The following BRIP1 variants were observed in gnomAD, a reference collection of about 807,000 sequenced individuals.
BRIP1 encodes BRCA1 interacting DNA helicase 1.
In BRIP1, 88 loss-of-function variants were observed where a neutral mutation model predicts 119.7. The observed-to-expected ratio is 0.74, with a 90% CI of 0.62 to 0.88. The LOEUF is 0.88. Ranked by LOEUF, BRIP1 falls within the 40% of genes least tolerant of loss-of-function variation. The pLI is 0.00. For missense variants in BRIP1, 1,259 were observed against 1,455.4 expected (o/e 0.87, Z 2.20); for synonymous variants, 443 against 496.5 (o/e 0.89, Z 1.43).
rs1292425366 is a variant in BRIP1 at position 61,861,472 on chromosome 17, G to A, written c.68C>T (p.Pro23Leu). The A allele has an allele frequency of 5.6e-6, 9 of 1,612,578 alleles. No individual in the cohort carries two copies. The highest frequency in any genetic ancestry group is 4.5e-5 in the East Asian group (2 of 44,784). ...VKIYFPYKAY[P>L]SQLAMMNSIL... ...AGAATTCATCATAGCAAGCTGTGACGGGTAAGCTTTATAAGGAAAGTAAAT... is the reference window on the plus strand; with the variant it reads ...AGAATTCATCATAGCAAGCTGTGACAGGTAAGCTTTATAAGGAAAGTAAAT... The change falls in exon 2 of 20, where the codon CCG becomes CTG. Residue 23 changes from proline to leucine, a missense_variant. Physicochemically the swap from Pro to Leu is moderately conservative, Grantham distance 98 (BLOSUM62 -3). Around this residue, in one of 3 missense-constraint regions of BRIP1, gnomAD observed 501 missense variants for 544.0 expected, o/e 0.92. Coordinates refer to ENST00000259008, the MANE Select transcript of BRIP1 (RefSeq NM_032043.3). This position sits in a 1 kb window ranked among gnomAD's most constrained non-coding sequence, Gnocchi z 4.5.
chr17:61,694,651 G>C (rs1364527676), intron 17 of BRIP1, among the ~76,000 whole-genome samples: 4 of 151,526 alleles, frequency 2.6e-5, no homozygotes, highest in South Asian at 2.1e-4. Flanking sequence ...TACGTACAAG[G>C]GTTCCAAAAT....
chr17:61,759,900 A>AC lies in BRIP1; in HGVS notation c.2098-15310dup, dbSNP rs892776713. Among the ~76,000 whole-genome samples the AC allele has an allele frequency of 1.3e-5, 2 of 149,238 alleles. No homozygotes were observed. The highest frequency in any genetic ancestry group is 4.9e-5 in the African/African-American group (2 of 41,176). On this transcript the variant is annotated intron_variant, in intron 14 of 19. Transcript: ENST00000259008. This position sits in a 1 kb window ranked among gnomAD's most constrained non-coding sequence, Gnocchi z 4.9. Reference sequence around the variant, plus strand: ...ACCTTTAATTTATGAAAAAAAAAAAACCCAGAATATTTGCAAAGTGCGATA... The same window carrying AC: ...ACCTTTAATTTATGAAAAAAAAAAAACCCCAGAATATTTGCAAAGTGCGATA...
intron 16 of BRIP1, among the ~76,000 whole-genome samples, chr17:61,731,639 C>T (rs1248806233): frequency 6.6e-6 from 1 of 152,170 alleles, no homozygotes; most frequent in East Asian, 1.9e-4. Context: ...CCATTCTGTA[C>T]ACATTCATAA....
rs1555607768 is a variant in BRIP1, at chr17:61,801,417, G to A, written c.976C>T (p.Gln326Ter). The A allele has an allele frequency of 6.2e-7, 1 of 1,613,952 alleles. No homozygotes were observed. Among genetic ancestry groups the A allele is most frequent in the South Asian group, 1.1e-5 (1 of 91,072 alleles). The change falls in exon 8 of 20, where the codon CAG becomes TAG. Residue 326 changes from glutamine to a stop codon, truncating the protein, a stop_gained. Coordinates refer to ENST00000259008, the MANE Select transcript of BRIP1 (RefSeq NM_032043.3). LOFTEE classifies it high-confidence loss of function. ...VHKISDQHTL[Q>*]TFQGMCKAWD... ...GCTTTGCACATCCCTTGGAAAGTCT[G>A]TAATGTGTGCTGATCACTAATTTTA...
At chr17:61,786,832 T>A (rs1427319914) in intron 10 of BRIP1, among the ~76,000 whole-genome samples, 1 of 127,326 alleles carries the variant, frequency 7.9e-6, no homozygotes, top group Non-Finnish European at 1.6e-5. Flanking sequence ...ATATATTTTA[T>A]ATAATATATT....
Position 61,774,526 on chromosome 17 carries a change from T to G in BRIP1, c.2097+1875A>C, listed in dbSNP as rs2077505263. Among the ~76,000 whole-genome samples, 1 of 152,150 alleles carries G rather than the reference T, an allele frequency of 6.6e-6. No homozygotes were observed. Among genetic ancestry groups the G allele is most frequent in the Non-Finnish European group, 1.5e-5 (1 of 68,030 alleles). ...GTGCAGCAAACCAGCATGGCACATGTATACGTATGTAACAAACCTGCACGT... is the reference window on the plus strand; with the variant it reads ...GTGCAGCAAACCAGCATGGCACATGGATACGTATGTAACAAACCTGCACGT... On this transcript the variant is annotated intron_variant, in intron 14 of 19. Coordinates refer to ENST00000259008, the MANE Select transcript of BRIP1 (RefSeq NM_032043.3). The surrounding 1 kb of genome is among the most constrained non-coding windows in gnomAD (Gnocchi z 5.8).
chr17:61,738,704 G>A lies in BRIP1; in HGVS notation c.2379+4309C>T, dbSNP rs1044060171. 2.0e-5 allele frequency among the ~76,000 whole-genome samples: 3 copies of A among 151,988 alleles called. No homozygotes were observed. The highest frequency in any genetic ancestry group is 7.2e-5 in the African/African-American group (3 of 41,384). ...AGGCAAAGGTGGAGAAAAGAGAAAT[G>A]GAATTTTCTCACAAATGTATATTTT... is the stretch of plus-strand genomic sequence containing the variant. On this transcript the variant is annotated intron_variant, in intron 16 of 19. Coordinates refer to ENST00000259008, the MANE Select transcript of BRIP1 (RefSeq NM_032043.3). The surrounding 1 kb of genome is among the most constrained non-coding windows in gnomAD (Gnocchi z 4.2).
At chr17:61,839,874 C>A (rs536938963) in intron 6 of BRIP1, among the ~76,000 whole-genome samples, 1 of 152,158 alleles carries the variant, frequency 6.6e-6, no homozygotes, top group South Asian at 2.1e-4. Context: ...ATAGATACAG[C>A]TATATTTTAC....
chr17:61,774,646 CA>C lies in BRIP1; in HGVS notation c.2097+1754del, dbSNP rs1196715417. 6.6e-6 allele frequency among the ~76,000 whole-genome samples: 1 copy of C among 152,028 alleles called. No homozygotes were observed. Among genetic ancestry groups the C allele is most frequent in the East Asian group, 1.9e-4 (1 of 5,178 alleles). ...TGTTTTAAGCCACAAAAAAATTAAACAAAAACCTGCAGAACAATTAATTTCG... is the reference window on the plus strand; with the variant it reads ...TGTTTTAAGCCACAAAAAAATTAAACAAAACCTGCAGAACAATTAATTTCG... On this transcript the variant is annotated intron_variant, in intron 14 of 19. Coordinates refer to ENST00000259008, the MANE Select transcript of BRIP1 (RefSeq NM_032043.3). This position sits in a 1 kb window ranked among gnomAD's most constrained non-coding sequence, Gnocchi z 5.8.
chr17:61,767,338 G>A lies in BRIP1; in HGVS notation c.2097+9063C>T, dbSNP rs376513056. ...ATTGGCCAAGCTGGAGTGCAGTGGTGTGATCACAGCTCACTGCAGCCTCAA... is the reference window on the plus strand; with the variant it reads ...ATTGGCCAAGCTGGAGTGCAGTGGTATGATCACAGCTCACTGCAGCCTCAA... On this transcript the variant is annotated intron_variant, in intron 14 of 19. Coordinates refer to ENST00000259008, the MANE Select transcript of BRIP1 (RefSeq NM_032043.3). The surrounding 1 kb of genome is among the most constrained non-coding windows in gnomAD (Gnocchi z 5.7). 1.3e-5 allele frequency among the ~76,000 whole-genome samples: 2 copies of A among 152,178 alleles called. No homozygotes were observed. Among genetic ancestry groups the A allele is most frequent in the South Asian group, 4.2e-4 (2 of 4,816 alleles).
chr17:61,799,220 C>T lies in BRIP1; in HGVS notation c.1220G>A (p.Ser407Asn), dbSNP rs759835916. The T allele has an allele frequency of 5.0e-6, 8 of 1,613,516 alleles. No homozygotes were observed. The African/African-American group carries it at 1.1e-4, about 22-fold the overall frequency. ...AAGCTGAACTTCTGTTACACTGTAA[C>T]TTGCTGATTCCCGAGCACAGTCCTC... ...NIEDCARESA[S>N]YSVTEVQLRF... The change falls in exon 9 of 20, where the codon AGT becomes AAT. Residue 407 changes from serine (S) to asparagine (N), a missense_variant. Physicochemically the swap from Ser to Asn is conservative, Grantham distance 46. Around this residue, in one of 3 missense-constraint regions of BRIP1, gnomAD observed 501 missense variants for 544.0 expected, o/e 0.92. Coordinates refer to ENST00000259008, the MANE Select transcript of BRIP1 (RefSeq NM_032043.3). This position sits in a 1 kb window ranked among gnomAD's most constrained non-coding sequence, Gnocchi z 5.1.
rs112423304 is a variant in BRIP1 at position 61,803,167 on chromosome 17, T to C, written c.919-1693A>G. Among the ~76,000 whole-genome samples the C allele has an allele frequency of 4.6e-5, 7 of 152,256 alleles. No homozygotes were observed. Among genetic ancestry groups the C allele is most frequent in the African/African-American group, 1.7e-4 (7 of 41,560 alleles). ...TGCAGTGGCACGATCCAATCTTGGT[T>C]CACTGCAACCTCCGCCTCCCAGGTT... On this transcript the variant is annotated intron_variant, in intron 7 of 19. Coordinates refer to ENST00000259008, the MANE Select transcript of BRIP1 (RefSeq NM_032043.3). The surrounding 1 kb of genome is among the most constrained non-coding windows in gnomAD (Gnocchi z 4.3).
Position 61,799,193 on chromosome 17 carries a change from C to A in BRIP1, c.1247G>T (p.Arg416Leu), listed in dbSNP as rs772570870. 6.2e-7 allele frequency: 1 copy of A among 1,613,370 alleles called. No individual in the cohort carries two copies. The highest frequency in any genetic ancestry group is 8.5e-7 in the Non-Finnish European group (1 of 1,179,472). ...ACTATCTAGTTCATCCCGAGCAAAC[C>A]GAAGCTGAACTTCTGTTACACTGTA... ...ASYSVTEVQL[R>L]FARDELDSMV... Residue 416 changes from arginine (R) to leucine (L), a missense_variant, in exon 9 of 20, where the codon CGG (arginine) becomes CTG (leucine). Arg to Leu is a moderately radical substitution (Grantham distance 102). Transcript: ENST00000259008. The surrounding 1 kb of genome is among the most constrained non-coding windows in gnomAD (Gnocchi z 5.1).
At chr17:61,790,034 A>G (rs1256656213) in intron 10 of BRIP1, among the ~76,000 whole-genome samples, 1 of 152,166 alleles carries the variant, frequency 6.6e-6, no homozygotes, top group Non-Finnish European at 1.5e-5. Flanking sequence ...TCCCCATGTA[A>G]CTAACACCTG....
At chr17:61,787,428 A>C (rs1486174422) in intron 10 of BRIP1, among the ~76,000 whole-genome samples, 1 of 130,140 alleles carries the variant, frequency 7.7e-6, no homozygotes, top group Admixed American at 8.4e-5. Context: ...TAAAATATAT[A>C]ATATATATAC....
At chr17:61,715,240 C>A (rs115505704) in intron 17 of BRIP1, among the ~76,000 whole-genome samples, 1 of 151,210 alleles carries the variant, frequency 6.6e-6, no homozygotes, top group Non-Finnish European at 1.5e-5. Context: ...TTTATTTTTT[C>A]TTTAATTATT....
In BRIP1 at chr17:61,686,367, A is replaced by T. The variant is rs186619628; in HGVS notation, c.2576-202T>A. On this transcript the variant is annotated intron_variant, in intron 18 of 19. Coordinates refer to ENST00000259008, the MANE Select transcript of BRIP1 (RefSeq NM_032043.3). This position sits in a 1 kb window ranked among gnomAD's most constrained non-coding sequence, Gnocchi z 5.4. ...AACATATGAGTAACATTCTCTTTAT[A>T]TACAGTAATTGTCAAATGGAGAGAG... Among the ~76,000 whole-genome samples the T allele has an allele frequency of 1.3e-5, 2 of 152,330 alleles. No individual in the cohort carries two copies. The highest frequency in any genetic ancestry group is 3.4e-3 in the Middle Eastern group (1 of 294).
intron 16 of BRIP1, among the ~76,000 whole-genome samples, chr17:61,732,770 C>A (rs1405339367): frequency 6.6e-6 from 1 of 151,992 alleles, no homozygotes. Flanking sequence ...CAGCTCACTG[C>A]AACCTTTGCC....
At chr17:61,716,838 A>ATTTCCACTACTGGAGTATTG in intron 16 of BRIP1, among the ~76,000 whole-genome samples, 1 of 15,818 alleles carries the variant, frequency 6.3e-5, no homozygotes, top group East Asian at 1.9e-3. Context: ...CTGGATTATT[A>ATTTCCACTACTGGAGTATTG]GCTATGTCTT....
Sources: gnomAD v4.1 joint callset for allele counts (sites outside exome capture counted in the v4.1 genomes callset) on GRCh38, gnomAD v4.1.1 for gene constraint, gnomAD v4.1.1 regional missense constraint, Gnocchi (gnomAD v3.1) non-coding constraint, MANE v1.5 for transcripts, NCBI Gene and HGNC (gene_info 2026-07-23, HGNC 2026-07-21) for gene names.